CPXM2: variants seen among roughly 807,000 people sequenced by gnomAD.
CPXM2 encodes the protein carboxypeptidase X, M14 family member 2.
A neutral mutation model predicts 86.1 loss-of-function variants in CPXM2; 66 were observed. The observed-to-expected ratio is 0.77, with a 90% confidence interval of 0.63 to 0.94. The LOEUF is 0.94. Among genes scored for constraint, CPXM2 ranks in the 40% least tolerant of loss-of-function variants. The probability of loss-of-function intolerance (pLI) is 0.00; values close to 1 mark genes in which losing one functional copy is unlikely to be tolerated. For synonymous variants in CPXM2, 388 were observed against 400.2 expected (o/e 0.97, Z 0.36); for missense variants, 948 against 1,026.3 (o/e 0.92, Z 1.04).
rs1159397895 is a variant in CPXM2 at position 123,910,088 on chromosome 10, C to A, written n.174+29389G>T. ...AGCCACCATAGACAGGTGGGGCCAC[C>A]ACAGACCATAATGGCAGACAGAGGC... On this transcript the variant is annotated intron_variant and non_coding_transcript_variant, in intron 2 of 19. Transcript: ENST00000368854. 2.0e-5 allele frequency among the ~76,000 whole-genome samples: 3 copies of A among 152,066 alleles called. No individual in the cohort carries two copies. The East Asian group carries it at 5.8e-4, about 29-fold the overall frequency.
In CPXM2 at chr10:123,757,204, G is replaced by A. The variant is rs779649789; in HGVS notation, c.1917+9C>T. The stretch of plus-strand genomic sequence containing the variant: ...TCCCCCTCATCCCAGCCACACACCC[G>A]CAATATACCTGCTCCATGAACACGA... On this transcript the variant is annotated intron_variant, in intron 12 of 13. Transcript: ENST00000241305. The A allele has an allele frequency of 2.1e-5, 34 of 1,611,990 alleles. No individual in the cohort carries two copies. Among genetic ancestry groups the A allele is most frequent in the East Asian group, 2.0e-4 (9 of 44,870 alleles).
At position 123,874,855 on chromosome 10, in the gene CPXM2, T is replaced by C. The variant is rs370710924; in HGVS notation, c.403+5356A>G. ...TGGTCAATAAGAACCACACTTGGGGTTAAGTGGCTGATACAAATGAATGAA... is the reference window on the plus strand; with the variant it reads ...TGGTCAATAAGAACCACACTTGGGGCTAAGTGGCTGATACAAATGAATGAA... On this transcript the variant is annotated intron_variant, in intron 2 of 13. Coordinates refer to ENST00000241305, the MANE Select transcript of CPXM2 (RefSeq NM_198148.3). Among the ~76,000 whole-genome samples the C allele has an allele frequency of 2.0e-5, 3 of 152,148 alleles. No individual in the cohort carries two copies. The South Asian group carries it at 6.2e-4, about 32-fold the overall frequency.
At chr10:123,750,626 T>C in intron 13 of CPXM2, 6 of 960,940 alleles carry the variant, frequency 6.2e-6, no homozygotes, top group Non-Finnish European at 7.4e-6. Context: ...TTCACTAGAA[T>C]GTGTACTTTT....
intron 4 of CPXM2, among the ~76,000 whole-genome samples, chr10:123,834,392 G>C (rs571476263): frequency 1.4e-4 from 21 of 152,234 alleles, no homozygotes; most frequent in Non-Finnish European, 1.0e-4. Context: ...CAGGAGCAAC[G>C]TCAGGGTAAG....
chr10:123,905,709 T>C (rs1299638305), intron 2 of CPXM2, among the ~76,000 whole-genome samples: 1 of 152,154 alleles, frequency 6.6e-6, no homozygotes, highest in Non-Finnish European at 1.5e-5. Flanking sequence ...GTCTCTGTGA[T>C]GCCAGGGTCA....
chr10:123,870,210 T>C (rs1447746964), intron 2 of CPXM2, among the ~76,000 whole-genome samples: 1 of 151,908 alleles, frequency 6.6e-6, no homozygotes, highest in African/African-American at 2.4e-5. Context: ...TCTTGAGTTA[T>C]AAAATCTCAA....
rs1442120871 is a variant in CPXM2 at position 123,923,375 on chromosome 10, TC to T, written n.174+16101del. 6.2e-4 allele frequency among the ~76,000 whole-genome samples: 93 copies of T among 149,860 alleles called. 2 individuals carry two copies. Among genetic ancestry groups the T allele is most frequent in the Non-Finnish European group, 2.1e-4 (14 of 67,504 alleles). On this transcript the variant is annotated intron_variant and non_coding_transcript_variant, in intron 2 of 19. Coordinates refer to the CPXM2 transcript ENST00000368854. ...GCGGGCGGATCACGAGGTCAGGAGA[TC>T]GAGACCATCCTGGCTAACACAGTGA...
intron 4 of CPXM2, among the ~76,000 whole-genome samples, chr10:123,815,086 C>G (rs562515451): frequency 6.6e-6 from 1 of 152,302 alleles, no homozygotes; most frequent in Non-Finnish European, 1.5e-5. Flanking sequence ...TCACTCATGA[C>G]AGGCAAGGAG....
intron 4 of CPXM2, among the ~76,000 whole-genome samples, chr10:123,801,859 CT>C (rs1314200335): frequency 6.6e-6 from 1 of 152,220 alleles, no homozygotes. Context: ...CCTCCTCTGT[CT>C]GCCTTTAAAT....
chr10:123,875,214 G>C (rs151285469), intron 2 of CPXM2, among the ~76,000 whole-genome samples: 164 of 152,324 alleles, frequency 1.1e-3, no homozygotes, highest in African/African-American at 3.8e-3. Flanking sequence ...AAAGGCACTT[G>C]TTTCTTTTTA....
intron 13 of CPXM2, among the ~76,000 whole-genome samples, chr10:123,749,048 C>T (rs931126634): frequency 2.0e-5 from 3 of 152,212 alleles, no homozygotes; most frequent in Non-Finnish European, 4.4e-5. Context: ...ATTGGTTTAT[C>T]TGAATGGGCT....
rs1846162263 is a variant in CPXM2 at position 123,754,701 on chromosome 10, AT to A, written c.1978del (p.Ile660LeufsTer4). The A allele has an allele frequency of 6.2e-7, 1 of 1,609,834 alleles. No individual in the cohort carries two copies. Among genetic ancestry groups the A allele is most frequent in the African/African-American group, 1.3e-5 (1 of 74,974 alleles). On this transcript the variant is annotated frameshift_variant, in exon 13 of 14. Coordinates refer to ENST00000241305, the MANE Select transcript of CPXM2 (RefSeq NM_198148.3). LOFTEE classifies it high-confidence loss of function. This position sits in a 1 kb window ranked among gnomAD's most constrained non-coding sequence, Gnocchi z 4.0. ...DSHGKGIPNA[I>X]ISVEGINHDI... Reference sequence around the variant, plus strand: ...ATGGTTAATGCCTTCTACGGAGATAATGGCGTTTGGGATTCCTTTTCCATGT... The same window carrying A: ...ATGGTTAATGCCTTCTACGGAGATAAGGCGTTTGGGATTCCTTTTCCATGT...
chr10:123,867,071 C>T (rs1404359514), intron 2 of CPXM2, among the ~76,000 whole-genome samples: 5 of 152,242 alleles, frequency 3.3e-5, no homozygotes, highest in African/African-American at 9.6e-5. Context: ...AAACTACACA[C>T]TGAGCCAGCT....
chr10:123,767,131 A>G lies in CPXM2; in HGVS notation c.1321T>C (p.Ser441Pro). 1 of 1,614,080 alleles carries G rather than the reference A, an allele frequency of 6.2e-7. No homozygotes were observed. The change falls in exon 10 of 14, where the codon TCC becomes CCC. Residue 441 changes from serine to proline, a missense_variant. By Grantham distance (74) the Ser-to-Pro change is moderately conservative. Transcript: ENST00000241305. ...CCATCGTGGGTCCAGCGTCCCAGGG[A>G]CCAGCCTCCCAGCTCCGAGCCCTGG... ...YEGGSELGGWSLGRWTHDGID... is the reference protein window; with the variant it reads ...YEGGSELGGWPLGRWTHDGID...
At chr10:123,844,870 G>A (rs1307397085) in intron 3 of CPXM2, among the ~76,000 whole-genome samples, 2 of 151,964 alleles carry the variant, frequency 1.3e-5, no homozygotes, top group Admixed American at 6.6e-5. Context: ...GTGAGGGTAA[G>A]GCAGGACTCA....
intron 2 of CPXM2, among the ~76,000 whole-genome samples, chr10:123,900,961 C>T (rs949759691): frequency 2.6e-5 from 4 of 152,098 alleles, no homozygotes; most frequent in Non-Finnish European, 5.9e-5. Flanking sequence ...TCAGCCCACA[C>T]TAATTATCTG....
chr10:123,940,689 G>A (rs545425725), upstream of CPXM2, among the ~76,000 whole-genome samples: 17 of 152,332 alleles, frequency 1.1e-4, no homozygotes, highest in African/African-American at 4.1e-4. Context: ...ACGCTGAGTT[G>A]TTGGAGTGGG....
intron 4 of CPXM2, among the ~76,000 whole-genome samples, chr10:123,820,459 C>T (rs1012895303): frequency 3.9e-5 from 6 of 152,230 alleles, no homozygotes; most frequent in African/African-American, 1.4e-4. Flanking sequence ...ACTAGTGTCC[C>T]ACTTTGGGCT....
intron 1 of CPXM2, among the ~76,000 whole-genome samples, chr10:123,889,050 T>C (rs1945224109): frequency 6.6e-6 from 1 of 152,194 alleles, no homozygotes; most frequent in Non-Finnish European, 1.5e-5. Context: ...AGCTTTTTCT[T>C]GCAAATTCAG....
Sources: gnomAD v4.1 joint callset for allele counts (sites outside exome capture counted in the v4.1 genomes callset) on GRCh38, gnomAD v4.1.1 for gene constraint, Gnocchi (gnomAD v3.1) non-coding constraint, MANE v1.5 for transcripts, NCBI Gene and HGNC (gene_info 2026-07-23, HGNC 2026-07-21) for gene names.